FBN1: variants seen among roughly 807,000 people sequenced by gnomAD.
FBN1 encodes fibrillin-1.
In FBN1, 29 loss-of-function variants were observed where a neutral mutation model predicts 365.1. The observed-to-expected ratio is 0.08, with a 90% confidence interval of 0.06 to 0.11. The LOEUF (loss-of-function observed/expected upper bound fraction) is 0.11, where lower values mean the gene tolerates loss of function less well. Ranked by LOEUF, FBN1 falls within the 10% of genes least tolerant of loss-of-function variation. The probability of loss-of-function intolerance (pLI) is 1.00; values close to 1 mark genes in which losing one functional copy is unlikely to be tolerated. For missense variants in FBN1, 2,476 were observed against 3,703.2 expected, an observed-to-expected ratio of 0.67 and a Z score of 8.60; for synonymous variants, 1,210 against 1,270.5, an observed-to-expected ratio of 0.95 and a Z score of 1.01.
chr15:48,531,351 A>G (rs1165904690), intron 8 of FBN1, among the ~76,000 whole-genome samples: 1 of 152,180 alleles, frequency 6.6e-6, no homozygotes, highest in Non-Finnish European at 1.5e-5. Flanking sequence ...AAGCAACTCG[A>G]ATAATGGCAT....
At chr15:48,504,050 A>T in intron 16 of FBN1, 111 bp from the exon 17 acceptor site, 1 of 1,300,430 alleles carries the variant, frequency 7.7e-7, no homozygotes, top group Non-Finnish European at 1.1e-6. Context: ...TGTAACTCAC[A>T]GGGAATGCCT....
Position 48,468,500 on chromosome 15 carries a change from G to A in FBN1, c.4494C>T (p.Ile1498=). The part of the protein sequence containing the change: ...VNECLDPTTC[I]SGNCVNTPGS... ...CTGGAGTGTTGACACAGTTCCCACT[G>A]ATGCACGTGGTTGGATCCAGGCATT... The change falls in exon 37 of 66, where the codon ATC becomes ATT. Residue 1498 remains isoleucine, a synonymous_variant. Coordinates refer to ENST00000316623, the MANE Select transcript of FBN1 (RefSeq NM_000138.5). The A allele has an allele frequency of 6.2e-7, 1 of 1,613,996 alleles. No individual in the cohort carries two copies. The highest frequency in any genetic ancestry group is 8.5e-7 in the Non-Finnish European group (1 of 1,179,900).
intron 6 of FBN1, among the ~76,000 whole-genome samples, chr15:48,553,129 G>A (rs2044155624): frequency 6.6e-6 from 1 of 152,060 alleles, no homozygotes; most frequent in African/African-American, 2.4e-5. Context: ...TTTTAAATAA[G>A]CTCACTAATA....
At chr15:48,631,894 C>T (rs541496137) in intron 2 of FBN1, among the ~76,000 whole-genome samples, 1 of 152,348 alleles carries the variant, frequency 6.6e-6, no homozygotes, top group South Asian at 2.1e-4. Flanking sequence ...GAATGGTTTT[C>T]AACCCAGTCT....
At chr15:48,484,643 T>A (rs574319887) in intron 30 of FBN1, among the ~76,000 whole-genome samples, 1 of 152,326 alleles carries the variant, frequency 6.6e-6, no homozygotes, top group South Asian at 2.1e-4. Context: ...AGTGCTGGGA[T>A]TACAAGTGTA....
chr15:48,612,944 G>T, intron 3 of FBN1, 66 bp downstream of exon 3: 1 of 1,173,776 alleles, frequency 8.5e-7, no homozygotes, highest in East Asian at 2.3e-5. Flanking sequence ...CACATTCTAA[G>T]GCTCCCCATG....
chr15:48,607,149 A>G (rs2044619423), intron 4 of FBN1, among the ~76,000 whole-genome samples: 1 of 152,202 alleles, frequency 6.6e-6, no homozygotes, highest in Admixed American at 6.5e-5. Context: ...TTGTAAATCT[A>G]CAATTATCTC....
intron 6 of FBN1, among the ~76,000 whole-genome samples, chr15:48,592,351 C>T (rs149616987): frequency 6.6e-6 from 1 of 152,230 alleles, no homozygotes; most frequent in African/African-American, 2.4e-5. Flanking sequence ...ATATGATTCA[C>T]TGTGTTTAAT....
rs1158947326 is a variant in FBN1, at chr15:48,428,445, C to T, written c.6898G>A (p.Gly2300Arg). The T allele has an allele frequency of 6.2e-7, 1 of 1,614,110 alleles. No homozygotes were observed. The highest frequency in any genetic ancestry group is 8.5e-7 in the Non-Finnish European group (1 of 1,179,990). Reference protein sequence around the residue: ...VDENECQTKPGICENGRCLNT... With the variant: ...VDENECQTKPRICENGRCLNT... The stretch of plus-strand genomic sequence containing the variant: ...AGGCAGCGCCCATTCTCACAGATCC[C>T]TGGCTTCGTCTGACATTCATTCTCA... The change falls in exon 57 of 66, where the codon GGG becomes AGG. Residue 2300 changes from glycine (G) to arginine (R), a missense_variant. Physicochemically the swap from Gly to Arg is moderately radical, Grantham distance 125. Coordinates refer to ENST00000316623, the MANE Select transcript of FBN1 (RefSeq NM_000138.5).
rs1272913373 is a variant in FBN1 at position 48,534,087 on chromosome 15, T to C, written c.855A>G (p.Lys285=). ...AAGCATAAGATTTCTTACCTTCACA[T>C]TTTTGTGACACTTCATTAAGTTTGT... ...AGHKLNEVSQ[K]CEDIDECSTI... is the part of the protein sequence containing the mutation. Residue 285 remains lysine (K), a synonymous_variant, in exon 8 of 66, where the codon AAA becomes AAG. Coordinates refer to ENST00000316623, the MANE Select transcript of FBN1 (RefSeq NM_000138.5). 4 of 1,603,336 alleles carry C rather than the reference T, an allele frequency of 2.5e-6. No individual in the cohort carries two copies. The highest frequency in any genetic ancestry group is 2.6e-6 in the Non-Finnish European group (3 of 1,173,380).
rs16961118 is a variant in FBN1, at chr15:48,546,162, C to T, written c.539-8354G>A. ...CATTCGACAAATACTTATTGAGCCA[C>T]AACCCTGTATCAGTGAATAGCACAA... On this transcript the variant is annotated intron_variant, in intron 6 of 65. Transcript: ENST00000316623. Among the ~76,000 whole-genome samples the T allele has an allele frequency of 0.013, 1,957 of 152,292 alleles. 96 individuals carry two copies. The East Asian group carries it at 0.16, about 13-fold the overall frequency.
chr15:48,418,853 A>G lies in FBN1; in HGVS notation c.7819+1834T>C, dbSNP rs73390296. On this transcript the variant is annotated intron_variant, in intron 63 of 65. Transcript: ENST00000316623. ...CACTGTTCATGTTAGCTGTGGCCTT[A>G]AGGGAGTACCGATAGGAAACTTCAC... Among the ~76,000 whole-genome samples, 1,080 of 152,296 alleles carry G rather than the reference A, an allele frequency of 7.1e-3. 16 individuals are homozygous for G. Among genetic ancestry groups the G allele is most frequent in the African/African-American group, 0.025 (1,055 of 41,562 alleles).
At chr15:48,555,040 C>T (rs2044169203) in intron 6 of FBN1, among the ~76,000 whole-genome samples, 1 of 152,182 alleles carries the variant, frequency 6.6e-6, no homozygotes, top group Non-Finnish European at 1.5e-5. Context: ...TATTTGTACA[C>T]TATAGAAATG....
chr15:48,592,875 A>G (rs2044489202), intron 6 of FBN1, among the ~76,000 whole-genome samples: 1 of 152,188 alleles, frequency 6.6e-6, no homozygotes, highest in Admixed American at 6.5e-5. Context: ...CAGCTTTTAA[A>G]AAGTAGACAT....
chr15:48,513,558 C>T lies in FBN1; in HGVS notation c.1579G>A (p.Glu527Lys). 1 of 1,614,008 alleles carries T rather than the reference C, an allele frequency of 6.2e-7. No individual in the cohort carries two copies. The highest frequency in any genetic ancestry group is 8.5e-7 in the Non-Finnish European group (1 of 1,179,900). ...GGAGCCAGGACCATACCTCGGCATT[C>T]TGTCCGCGTGAGTGTGCTCTGATAT... ...AGYQSTLTRT[E>K]CRDIDECLQN... Residue 527 changes from glutamate to lysine, a missense_variant, in exon 13 of 66, where the codon GAA becomes AAA. By Grantham distance (56) the Glu-to-Lys change is moderately conservative (BLOSUM62 1). Coordinates refer to ENST00000316623, the MANE Select transcript of FBN1 (RefSeq NM_000138.5).
At chr15:48,490,178 T>C (rs1356861745) in intron 24 of FBN1, 100 bp from the exon 25 acceptor site, 3 of 1,021,508 alleles carry the variant, frequency 2.9e-6, no homozygotes, top group Admixed American at 3.9e-5. Context: ...ACATAATAAT[T>C]TGCTGTATAC....
intron 51 of FBN1, 62 bp from the exon 52 acceptor site, chr15:48,437,449 A>G: frequency 7.1e-7 from 1 of 1,415,120 alleles, no homozygotes. Flanking sequence ...CTTCTCCACA[A>G]GTATTTTGAG....
intron 6 of FBN1, among the ~76,000 whole-genome samples, chr15:48,568,951 A>G (rs1043164155): frequency 7.2e-5 from 11 of 152,242 alleles, no homozygotes; most frequent in African/African-American, 2.6e-4. Context: ...TAGATAAAAT[A>G]TCAGAAGCAC....
intron 60 of FBN1, among the ~76,000 whole-genome samples, chr15:48,422,471 G>A (rs1445466284): frequency 6.6e-6 from 1 of 152,188 alleles, no homozygotes; most frequent in Non-Finnish European, 1.5e-5. Flanking sequence ...AAAGAGAAAT[G>A]TTGAAGCTGG....
Sources: gnomAD v4.1 joint callset for allele counts (sites outside exome capture counted in the v4.1 genomes callset) on GRCh38, gnomAD v4.1.1 for gene constraint, MANE v1.5 for transcripts, NCBI Gene and HGNC (gene_info 2026-07-23, HGNC 2026-07-21) for gene names.